KLHL40: variants seen among roughly 807,000 people sequenced by gnomAD.
KLHL40 encodes kelch-like protein 40.
Under a neutral mutation model 49.7 loss-of-function variants are expected in KLHL40, and 44 were observed. The observed-to-expected ratio is 0.89, with a 90% confidence interval of 0.70 to 1.14. The LOEUF (loss-of-function observed/expected upper bound fraction) is 1.14, where lower values mean the gene tolerates loss of function less well. Ranked by LOEUF, KLHL40 falls within the 50% of genes most tolerant of loss-of-function variation. The pLI is 0.00. For missense variants in KLHL40, 892 were observed against 850.3 expected (o/e 1.05, Z -0.61); for synonymous variants, 409 against 365.2 (o/e 1.12, Z -1.37).
At position 42,690,797 on chromosome 3, in the gene KLHL40, G is replaced by T. The variant is rs368563363; in HGVS notation, c.1608-62G>T. ...CAGTTGGAGCTGTGGGTGCTGGGTG[G>T]CAGGGACAGTCACTGGGCTTGCCGA... On this transcript the variant is annotated intron_variant, in intron 4 of 5. Transcript: ENST00000287777. The T allele has an allele frequency of 4.7e-5, 71 of 1,522,722 alleles. No homozygotes were observed. The East Asian group carries it at 1.1e-3, about 24-fold the overall frequency. The allele number at this position is 1,522,722 out of a possible 1,614,324, so 94.3% of individuals were successfully genotyped here.
At chr3:42,691,151 C>A in intron 5 of KLHL40, 146 bp downstream of exon 5, 3 of 787,896 alleles carry the variant, frequency 3.8e-6, no homozygotes, top group Non-Finnish European at 5.8e-6. Context: ...GAGGAATAGC[C>A]AACATACCCT....
rs377564589 is a variant in KLHL40 at position 42,686,695 on chromosome 3, C to G, written c.1077C>G (p.Asn359Lys). 23 of 1,613,668 alleles carry G rather than the reference C, an allele frequency of 1.4e-5. No individual in the cohort carries two copies. The African/African-American group carries it at 2.8e-4, about 20-fold the overall frequency. Reference protein sequence around the residue: ...KNHVSLVTKENQVFVAGGLFY... With the variant: ...KNHVSLVTKEKQVFVAGGLFY... ...ACGTCAGCCTGGTTACCAAGGAGAA[C>G]CAGGTCTTCGTGGCTGGAGGCCTCT... The change falls in exon 1 of 6, where the codon AAC becomes AAG. Residue 359 changes from asparagine to lysine, a missense_variant. Coordinates refer to ENST00000287777, the MANE Select transcript of KLHL40 (RefSeq NM_152393.4).
rs1697308938 is a variant in KLHL40, at chr3:42,688,466, G to T, written c.1314-144G>T. The stretch of plus-strand genomic sequence containing the variant: ...GGTTGGGGGGCAGGGTGGGATCAAA[G>T]AACTGAGAGGCCTCGGAAGTTCCAG... On this transcript the variant is annotated intron_variant, in intron 2 of 5. Coordinates refer to ENST00000287777, the MANE Select transcript of KLHL40 (RefSeq NM_152393.4). The surrounding 1 kb of genome is among the most constrained non-coding windows in gnomAD (Gnocchi z 4.2). 1 of 951,216 alleles carries T rather than the reference G, an allele frequency of 1.1e-6. No homozygotes were observed. Among genetic ancestry groups the T allele is most frequent in the Non-Finnish European group, 1.6e-6 (1 of 619,660 alleles). The allele number at this position is 951,216 out of a possible 1,614,324, so 58.9% of individuals were successfully genotyped here. A position where few individuals can be genotyped will look rare whatever the true frequency, so the allele number is the denominator to read the frequency against.
rs370901706 is a variant in KLHL40, at chr3:42,685,654, G to T, written c.36G>T (p.Arg12=). 1.2e-6 allele frequency: 2 copies of T among 1,610,074 alleles called. No individual in the cohort carries two copies. The highest frequency in any genetic ancestry group is 1.3e-5 in the African/African-American group (1 of 74,842). Reference sequence around the variant, plus strand: ...GCTTGGAGCAGGCGGAGGAGCAGCGGTTGTACCAGCAGACGCTCCTGCAAG... The same window carrying T: ...GCTTGGAGCAGGCGGAGGAGCAGCGTTTGTACCAGCAGACGCTCCTGCAAG... ...ALGLEQAEEQ[R]LYQQTLLQDG... Residue 12 remains arginine, a synonymous_variant, in exon 1 of 6, where the codon CGG becomes CGT. Coordinates refer to ENST00000287777, the MANE Select transcript of KLHL40 (RefSeq NM_152393.4).
Position 42,688,887 on chromosome 3 carries a change from G to T in KLHL40, c.1440G>T (p.Met480Ile). 6.2e-7 allele frequency: 1 copy of T among 1,614,052 alleles called. No individual in the cohort carries two copies. The highest frequency in any genetic ancestry group is 1.7e-4 in the Middle Eastern group (1 of 6,060). ...CCCACAGGAAGTGCCTGAACAAGAT[G>T]TGCGTCTATGACCCCAAGAAGTTTG... ...KGSDRKCLNK[M>I]CVYDPKKFEW... Residue 480 changes from methionine to isoleucine, a missense_variant, in exon 4 of 6, where the codon ATG becomes ATT. Coordinates refer to ENST00000287777, the MANE Select transcript of KLHL40 (RefSeq NM_152393.4). This position sits in a 1 kb window ranked among gnomAD's most constrained non-coding sequence, Gnocchi z 4.2.
In KLHL40 at chr3:42,690,982, C is replaced by T. The variant is rs1367433975; in HGVS notation, c.1731C>T (p.Pro577=). 3 of 1,612,000 alleles carry T rather than the reference C, an allele frequency of 1.9e-6. No individual in the cohort carries two copies. Among genetic ancestry groups the T allele is most frequent in the Non-Finnish European group, 2.5e-6 (3 of 1,178,932 alleles). ...AGACGGAGTCTGGAGAGCTGGTTCC[C>T]ACAGAGCTCAATGACATCTGGAGGT... ...TLETESGELV[P]TELNDIWRYN... The change falls in exon 5 of 6, where the codon CCC becomes CCT. Residue 577 remains proline (P), a synonymous_variant. Transcript: ENST00000287777.
In KLHL40 at chr3:42,690,895, C is replaced by T; in HGVS notation, c.1644C>T (p.Ser548=). 6.2e-7 allele frequency: 1 copy of T among 1,613,318 alleles called. No individual in the cohort carries two copies. Among genetic ancestry groups the T allele is most frequent in the Non-Finnish European group, 8.5e-7 (1 of 1,179,580 alleles). ...TCGAGGCCTTCCCACAGGAGCGTAG[C>T]TCACTCAGCCTGGTCAGCCTGGTGG... The part of the protein sequence containing the change: ...APFEAFPQER[S]SLSLVSLVGT... The change falls in exon 5 of 6, where the codon AGC becomes AGT. Residue 548 remains serine, a synonymous_variant. Coordinates refer to ENST00000287777, the MANE Select transcript of KLHL40 (RefSeq NM_152393.4).
At position 42,686,785 on chromosome 3, in the gene KLHL40, T is replaced by C; in HGVS notation, c.1152+15T>C. 3 of 1,589,458 alleles carry C rather than the reference T, an allele frequency of 1.9e-6. No individual in the cohort carries two copies. Among genetic ancestry groups the C allele is most frequent in the Non-Finnish European group, 2.6e-6 (3 of 1,168,422 alleles). On this transcript the variant is annotated intron_variant, in intron 1 of 5. Coordinates refer to ENST00000287777, the MANE Select transcript of KLHL40 (RefSeq NM_152393.4). ...ACTTCCTGCAGGTGCCTGACCAGCCTTGGGAGCCGCCAGCTAATGCTGGGC... is the reference window on the plus strand; with the variant it reads ...ACTTCCTGCAGGTGCCTGACCAGCCCTGGGAGCCGCCAGCTAATGCTGGGC...
rs145934136 is a variant in KLHL40, at chr3:42,685,730, C to A, written c.112C>A (p.Arg38=). 4 of 1,612,996 alleles carry A rather than the reference C, an allele frequency of 2.5e-6. No homozygotes were observed. Among genetic ancestry groups the A allele is most frequent in the Admixed American group, 3.3e-5 (2 of 60,008 alleles). Reference sequence around the variant, plus strand: ...TGGCAAGTTCCTCGACTGTGTGGTGCGGGCGGGCGAGCGCGAGTTCCCGTG... The same window carrying A: ...TGGCAAGTTCCTCGACTGTGTGGTGAGGGCGGGCGAGCGCGAGTTCCCGTG... ...DHGKFLDCVV[R]AGEREFPCHR... Residue 38 remains arginine (R), a synonymous_variant, in exon 1 of 6, where the codon CGG becomes AGG. Coordinates refer to ENST00000287777, the MANE Select transcript of KLHL40 (RefSeq NM_152393.4).
intron 4 of KLHL40, among the ~76,000 whole-genome samples, chr3:42,689,577 C>CG (rs927234937): frequency 3.3e-5 from 5 of 151,748 alleles, no homozygotes; most frequent in Admixed American, 6.6e-5. Flanking sequence ...GGGGCTGGAG[C>CG]GGGGGCCAGC....
chr3:42,688,442 G>A lies in KLHL40; in HGVS notation c.1313+140G>A. 1 of 893,096 alleles carries A rather than the reference G, an allele frequency of 1.1e-6. No individual in the cohort carries two copies. The highest frequency in any genetic ancestry group is 2.7e-5 in the East Asian group (1 of 37,510). The allele number at this position is 893,096 out of a possible 1,614,324, so 55.3% of individuals were successfully genotyped here. On this transcript the variant is annotated intron_variant, in intron 2 of 5. Transcript: ENST00000287777. The surrounding 1 kb of genome is among the most constrained non-coding windows in gnomAD (Gnocchi z 4.2). ...GGTGGGCTTGGGTAAGGGCGGGGAGGTTGGGGGGCAGGGTGGGATCAAAGA... is the reference window on the plus strand; with the variant it reads ...GGTGGGCTTGGGTAAGGGCGGGGAGATTGGGGGGCAGGGTGGGATCAAAGA...
In KLHL40 at chr3:42,685,970, A is replaced by C; in HGVS notation, c.352A>C (p.Thr118Pro). 1 of 1,611,708 alleles carries C rather than the reference A, an allele frequency of 6.2e-7. No individual in the cohort carries two copies. The change falls in exon 1 of 6, where the codon ACC becomes CCC. Residue 118 changes from threonine (T) to proline (P), a missense_variant. Coordinates refer to ENST00000287777, the MANE Select transcript of KLHL40 (RefSeq NM_152393.4). The part of the protein sequence containing the change: ...AHRFQIPSIF[T>P]ICVSFLQKRL... Reference sequence around the variant, plus strand: ...CCGCTTCCAGATCCCTTCCATCTTCACCATCTGCGTGTCCTTCCTGCAGAA... The same window carrying C: ...CCGCTTCCAGATCCCTTCCATCTTCCCCATCTGCGTGTCCTTCCTGCAGAA...
Position 42,692,038 on chromosome 3 carries a change from C to T in KLHL40, c.*45C>T. 8.4e-7 allele frequency: 1 copy of T among 1,184,206 alleles called. No homozygotes were observed. Among genetic ancestry groups the T allele is most frequent in the Middle Eastern group, 1.9e-4 (1 of 5,262 alleles). The allele number at this position is 1,184,206 out of a possible 1,614,324, so 73.4% of individuals were successfully genotyped here. A position where few individuals can be genotyped will look rare whatever the true frequency, so the allele number is the denominator to read the frequency against. On this transcript the variant is annotated 3_prime_UTR_variant, in exon 6 of 6. Transcript: ENST00000287777. Reference sequence around the variant, plus strand: ...CTAAGCACCCCTCCCATCCTGCGACCCTCACTGGCCTGGCCTTGTGGGGGC... The same window carrying T: ...CTAAGCACCCCTCCCATCCTGCGACTCTCACTGGCCTGGCCTTGTGGGGGC...
Position 42,692,208 on chromosome 3 carries a change from C to T in KLHL40, c.*215C>T. On this transcript the variant is annotated 3_prime_UTR_variant, in exon 6 of 6. Coordinates refer to ENST00000287777, the MANE Select transcript of KLHL40 (RefSeq NM_152393.4). ...GAAACTAGAGGCTTCTCCAGTGTTG[C>T]CATATCCCCCTAGGTTGTCTTGATC... 1 of 555,426 alleles carries T rather than the reference C, an allele frequency of 1.8e-6. No individual in the cohort carries two copies. 34.4% of individuals were successfully genotyped at this position (555,426 alleles called of 1,614,324 possible).
rs780170336 is a variant in KLHL40 at position 42,686,550 on chromosome 3, GCTTCGGC to G, written c.933_939del (p.Phe312CysfsTer9). 2 of 1,614,134 alleles carry G rather than the reference GCTTCGGC, an allele frequency of 1.2e-6. No individual in the cohort carries two copies. Among genetic ancestry groups the G allele is most frequent in the Non-Finnish European group, 1.7e-6 (2 of 1,180,014 alleles). ...CCTGGGATCCTCAATGACACCCTGC[GCTTCGGC>G]ATGTTCCTGCAGGATCTCATCTTCA... On this transcript the variant is annotated frameshift_variant, in exon 1 of 6. Transcript: ENST00000287777. LOFTEE classifies it high-confidence loss of function.
chr3:42,686,838 C>A, intron 1 of KLHL40, 68 bp downstream of exon 1: 2 of 1,372,266 alleles, frequency 1.5e-6, no homozygotes, highest in Non-Finnish European at 2.0e-6. Context: ...GTCTTGGGGC[C>A]CAGAAGGGGC....
In KLHL40 at chr3:42,688,223, A is replaced by G; in HGVS notation, c.1234A>G (p.Asn412Asp). 1 of 1,613,918 alleles carries G rather than the reference A, an allele frequency of 6.2e-7. No homozygotes were observed. Among genetic ancestry groups the G allele is most frequent in the Non-Finnish European group, 8.5e-7 (1 of 1,180,000 alleles). The change falls in exon 2 of 6, where the codon AAC (asparagine) becomes GAC (aspartate). Residue 412 changes from asparagine (N) to aspartate (D), a missense_variant. Transcript: ENST00000287777. The surrounding 1 kb of genome is among the most constrained non-coding windows in gnomAD (Gnocchi z 4.2). ...CCTCTTTGGCCTGGGAGAAGCTCTC[A>G]ACTCCATCTACGTGGTCGGTGGCAG... ...RCLFGLGEAL[N>D]SIYVVGGREI...
intron 1 of KLHL40, among the ~76,000 whole-genome samples, 157 bp from the exon 2 acceptor site, chr3:42,687,985 T>C (rs1016096480): frequency 3.3e-5 from 5 of 152,028 alleles, no homozygotes; most frequent in African/African-American, 9.7e-5. Context: ...CTCAGCCTGA[T>C]GGTAGGAGGG....
chr3:42,687,527 C>T (rs1253567023), intron 1 of KLHL40, among the ~76,000 whole-genome samples: 1 of 152,058 alleles, frequency 6.6e-6, no homozygotes, highest in African/African-American at 2.4e-5. Context: ...ACTAGCTCAG[C>T]AGTGTGGGCA....
Sources: gnomAD v4.1 joint callset for allele counts (sites outside exome capture counted in the v4.1 genomes callset) on GRCh38, gnomAD v4.1.1 for gene constraint, Gnocchi (gnomAD v3.1) non-coding constraint, MANE v1.5 for transcripts, NCBI Gene and HGNC (gene_info 2026-07-23, HGNC 2026-07-21) for gene names.